Variants in AURKA observed in about 807,000 individuals in gnomAD.
AURKA encodes aurora kinase A.
In AURKA, 12 loss-of-function variants were observed where a neutral mutation model predicts 40.9. The observed-to-expected ratio is 0.29, with a 90% CI of 0.19 to 0.48. The LOEUF is 0.48. Among genes scored for constraint, AURKA ranks in the 20% least tolerant of loss-of-function variants. The pLI is 0.99. For synonymous variants in AURKA, 170 were observed against 164.3 expected (o/e 1.03, Z -0.26); for missense variants, 322 against 462.1 (o/e 0.70, Z 2.78).
At chr20:56,375,327 T>G (rs1984798105) in intron 6 of AURKA, among the ~76,000 whole-genome samples, 1 of 148,906 alleles carries the variant, frequency 6.7e-6, no homozygotes, top group South Asian at 2.1e-4. Context: ...TTTTTTTTTT[T>G]GTAGAGACAG....
chr20:56,378,931 C>G (rs964010471), intron 6 of AURKA, among the ~76,000 whole-genome samples: 1 of 151,876 alleles, frequency 6.6e-6, no homozygotes, highest in Non-Finnish European at 1.5e-5. Flanking sequence ...TTAAGAGCAG[C>G]GAAACTATTC....
At chr20:56,379,710 C>T (rs190120349) in intron 6 of AURKA, among the ~76,000 whole-genome samples, 1 of 152,256 alleles carries the variant, frequency 6.6e-6, no homozygotes, top group East Asian at 1.9e-4. Context: ...ACCTGTAATC[C>T]TAGCACTTTG....
At position 56,370,028 on chromosome 20, in the gene AURKA, T is replaced by C. The variant is rs1321649449; in HGVS notation, c.*130A>G. The stretch of plus-strand genomic sequence containing the variant: ...GGGAGGTTAAGGCACACCTGCTGAG[T>C]AAAACAAATATTTCTTGTGTAGCGT... On this transcript the variant is annotated 3_prime_UTR_variant, in exon 9 of 9. Transcript: ENST00000395915. The C allele has an allele frequency of 1.6e-6, 2 of 1,214,578 alleles. No individual in the cohort carries two copies. The highest frequency in any genetic ancestry group is 2.4e-6 in the Non-Finnish European group (2 of 827,482). 75.2% of individuals were successfully genotyped at this position (1,214,578 alleles called of 1,614,324 possible).
Position 56,370,034 on chromosome 20 carries a change from A to C in AURKA, c.*124T>G. 1.6e-6 allele frequency: 2 copies of C among 1,273,198 alleles called. No homozygotes were observed. Among genetic ancestry groups the C allele is most frequent in the Non-Finnish European group, 2.3e-6 (2 of 878,354 alleles). 78.9% of individuals were successfully genotyped at this position (1,273,198 alleles called of 1,614,324 possible). A position where few individuals can be genotyped will look rare whatever the true frequency, so the allele number is the denominator to read the frequency against. Reference sequence around the variant, plus strand: ...TTAAGGCACACCTGCTGAGTAAAACAAATATTTCTTGTGTAGCGTTCTAGA... The same window carrying C: ...TTAAGGCACACCTGCTGAGTAAAACCAATATTTCTTGTGTAGCGTTCTAGA... On this transcript the variant is annotated 3_prime_UTR_variant, in exon 9 of 9. Coordinates refer to ENST00000395915, the MANE Select transcript of AURKA (RefSeq NM_198437.3).
chr20:56,391,781 G>C lies in AURKA; in HGVS notation c.-6+387C>G, dbSNP rs558316644. Among the ~76,000 whole-genome samples, 108 of 151,886 alleles carry C rather than the reference G, an allele frequency of 7.1e-4. 1 individual carries two copies. The highest frequency in any genetic ancestry group is 2.4e-3 in the African/African-American group (101 of 41,384). ...CACCCACCCCAGCTGCAAGTTCTCC[G>C]TACGCTTACCGTCTGTCTCCCCACC... On this transcript the variant is annotated intron_variant, in intron 1 of 8. Coordinates refer to ENST00000395915, the MANE Select transcript of AURKA (RefSeq NM_198437.3).
rs1984488462 is a variant in AURKA, at chr20:56,373,114, G to C, written c.854+294C>G. 6.6e-6 allele frequency among the ~76,000 whole-genome samples: 1 copy of C among 152,172 alleles called. No individual in the cohort carries two copies. The highest frequency in any genetic ancestry group is 1.5e-5 in the Non-Finnish European group (1 of 68,040). The stretch of plus-strand genomic sequence containing the variant: ...CTCAACATGTGGGCACTTCACCTCT[G>C]TCATATACGTGTCCTATCTGTTGAC... On this transcript the variant is annotated intron_variant, in intron 7 of 8. Coordinates refer to ENST00000395915, the MANE Select transcript of AURKA (RefSeq NM_198437.3). The surrounding 1 kb of genome is among the most constrained non-coding windows in gnomAD (Gnocchi z 5.0).
rs758399672 is a variant in AURKA, at chr20:56,383,183, G to A, written c.375-7C>T. 3 of 1,614,040 alleles carry A rather than the reference G, an allele frequency of 1.9e-6. No homozygotes were observed. Among genetic ancestry groups the A allele is most frequent in the Non-Finnish European group, 2.5e-6 (3 of 1,179,978 alleles). ...TTCCAAAGCCCACTGCCTCCTAGGA[G>A]GAATTTGAACACTTTAGAATGTGAA... On this transcript the variant is annotated splice_region_variant and splice_polypyrimidine_tract_variant and intron_variant, in intron 4 of 8. Transcript: ENST00000395915.
rs1041953129 is a variant in AURKA at position 56,369,571 on chromosome 20, G to C, written c.*587C>G. ...TCACACTCTCATATGGGAGATAAGT[G>C]GTTAAGGAGGACTAGAAACCCAATC... is the stretch of plus-strand genomic sequence containing the variant. On this transcript the variant is annotated 3_prime_UTR_variant, in exon 9 of 9. Transcript: ENST00000395915. 4 of 254,122 alleles carry C rather than the reference G, an allele frequency of 1.6e-5. No homozygotes were observed. Among genetic ancestry groups the C allele is most frequent in the Non-Finnish European group, 3.1e-5 (4 of 128,854 alleles). 15.7% of individuals were successfully genotyped at this position (254,122 alleles called of 1,614,324 possible). A position where few individuals can be genotyped will look rare whatever the true frequency, so the allele number is the denominator to read the frequency against.
At chr20:56,391,979 G>A (rs1364459510) in intron 1 of AURKA, 189 bp downstream of exon 1, 2 of 149,240 alleles carry the variant, frequency 1.3e-5, no homozygotes, top group Admixed American at 1.3e-4. Flanking sequence ...TATCCTACAG[G>A]GCGCCTCGGT....
chr20:56,371,278 T>C (rs777322140), intron 7 of AURKA, among the ~76,000 whole-genome samples: 19 of 151,864 alleles, frequency 1.3e-4, no homozygotes, highest in South Asian at 2.1e-4. Context: ...CTGGCTAACA[T>C]GGTGAAACGC....
Position 56,373,338 on chromosome 20 carries a change from T to C in AURKA, c.854+70A>G. 1.9e-6 allele frequency: 3 copies of C among 1,608,472 alleles called. No homozygotes were observed. The highest frequency in any genetic ancestry group is 2.5e-6 in the Non-Finnish European group (3 of 1,176,690). On this transcript the variant is annotated intron_variant, in intron 7 of 8. Transcript: ENST00000395915. This position sits in a 1 kb window ranked among gnomAD's most constrained non-coding sequence, Gnocchi z 5.0. ...GCACAAAATCTACACTGAAATATTT[T>C]ACATTTAGCTCACGGTTAGCTCCCA...
chr20:56,382,282 G>C (rs1985817080), intron 5 of AURKA, among the ~76,000 whole-genome samples: 1 of 152,170 alleles, frequency 6.6e-6, no homozygotes. Flanking sequence ...GAGCAGACTG[G>C]GCAGGTGCAG....
chr20:56,383,204 G>A (rs368425344), intron 4 of AURKA, 28 bp from the exon 5 acceptor site: 1 of 1,611,744 alleles, frequency 6.2e-7, no homozygotes, highest in South Asian at 1.1e-5. Flanking sequence ...ACTTTAGAAT[G>A]TGAAGAAAAC....
intron 1 of AURKA, 172 bp from the exon 2 acceptor site, chr20:56,388,374 G>C: frequency 1.5e-6 from 1 of 656,226 alleles, no homozygotes; most frequent in Non-Finnish European, 2.7e-6. Flanking sequence ...TGCTTTCCCT[G>C]CAAGGCCAAC....
rs577253707 is a variant in AURKA, at chr20:56,379,466, CACAT to C, written c.705+1963_705+1966del. On this transcript the variant is annotated intron_variant, in intron 6 of 8. Coordinates refer to ENST00000395915, the MANE Select transcript of AURKA (RefSeq NM_198437.3). Reference sequence around the variant, plus strand: ...ATAAATCTATACACAGATTACTATCCACATATATTCCCTTGCTGTGTCAGCTGAA... The same window carrying C: ...ATAAATCTATACACAGATTACTATCCATATTCCCTTGCTGTGTCAGCTGAA... Among the ~76,000 whole-genome samples, 14 of 152,254 alleles carry C rather than the reference CACAT, an allele frequency of 9.2e-5. No individual in the cohort carries two copies. In the East Asian group the frequency reaches 2.7e-3, roughly 29 times the overall value.
rs1281211145 is a variant in AURKA, at chr20:56,370,026, A to C, written c.*132T>G. On this transcript the variant is annotated 3_prime_UTR_variant, in exon 9 of 9. Transcript: ENST00000395915. ...TAGGGAGGTTAAGGCACACCTGCTG[A>C]GTAAAACAAATATTTCTTGTGTAGC... 13 of 1,179,314 alleles carry C rather than the reference A, an allele frequency of 1.1e-5. No homozygotes were observed. The South Asian group carries it at 1.1e-4, about 10-fold the overall frequency. 73.1% of individuals were successfully genotyped at this position (1,179,314 alleles called of 1,614,324 possible).
At chr20:56,384,678 C>A (rs1056230798) in intron 3 of AURKA, among the ~76,000 whole-genome samples, 4 of 152,130 alleles carry the variant, frequency 2.6e-5, no homozygotes, top group Non-Finnish European at 5.9e-5. Context: ...GCTGCCAACT[C>A]GTCACCTTTT....
intron 1 of AURKA, among the ~76,000 whole-genome samples, chr20:56,389,292 CCACT>C (rs772649201): frequency 3.3e-5 from 5 of 152,164 alleles, no homozygotes; most frequent in African/African-American, 9.7e-5. Context: ...TTCATGAGGA[CCACT>C]CAAAGTGCGT....
chr20:56,372,290 C>T (rs568639797), intron 7 of AURKA, among the ~76,000 whole-genome samples: 10 of 152,284 alleles, frequency 6.6e-5, no homozygotes, highest in South Asian at 2.1e-4. Flanking sequence ...TCAGCACCGA[C>T]GGACTGAATC....
Sources: gnomAD v4.1 joint callset for allele counts (sites outside exome capture counted in the v4.1 genomes callset) on GRCh38, gnomAD v4.1.1 for gene constraint, Gnocchi (gnomAD v3.1) non-coding constraint, MANE v1.5 for transcripts, NCBI Gene and HGNC (gene_info 2026-07-23, HGNC 2026-07-21) for gene names.